MAP3K13: variants seen among roughly 807,000 people sequenced by gnomAD.
The protein encoded by MAP3K13 is leucine zipper-bearing kinase.
MAP3K13 carries 52 observed loss-of-function variants against 104.0 expected under a neutral mutation model. The ratio of observed to expected loss-of-function variants is 0.50; its 90% CI spans 0.40 to 0.63. The LOEUF (loss-of-function observed/expected upper bound fraction) is 0.63, where lower values mean the gene tolerates loss of function less well. Ranked by LOEUF, MAP3K13 falls within the 20% of genes least tolerant of loss-of-function variation. MAP3K13 has a pLI of 0.00. For synonymous variants in MAP3K13, 394 were observed against 442.2 expected, an observed-to-expected ratio of 0.89 and a Z score of 1.37; for missense variants, 914 against 1,218.5, an observed-to-expected ratio of 0.75 and a Z score of 3.72.
Position 185,443,719 on chromosome 3 carries a change from C to G in MAP3K13, c.851+83C>G, listed in dbSNP as rs545060902. The stretch of plus-strand genomic sequence containing the variant: ...TTTTATCAACCTCAGTTGACGTTTT[C>G]AGACATCATACCTTTAGTTCAGTTT... On this transcript the variant is annotated intron_variant, in intron 4 of 13. Transcript: ENST00000265026. 66 of 1,140,776 alleles carry G rather than the reference C, an allele frequency of 5.8e-5. No homozygotes were observed. The African/African-American group carries it at 9.3e-4, about 16-fold the overall frequency. 70.7% of individuals were successfully genotyped at this position (1,140,776 alleles called of 1,614,324 possible).
chr3:185,455,645 AGATATATATAT>A (rs1560120147), intron 7 of MAP3K13, among the ~76,000 whole-genome samples: 4 of 24,430 alleles, frequency 1.6e-4, no homozygotes, highest in Non-Finnish European at 2.5e-4. Context: ...GATATATATG[AGATATATATAT>A]GATATATATA....
intron 1 of MAP3K13, among the ~76,000 whole-genome samples, chr3:185,425,260 T>G (rs1300553445): frequency 6.6e-6 from 1 of 152,210 alleles, no homozygotes; most frequent in Non-Finnish European, 1.5e-5. Context: ...GGCCTTAAAT[T>G]CTGTATGTCC....
Position 185,473,907 on chromosome 3 carries a change from T to C in MAP3K13, c.2430+146T>C, listed in dbSNP as rs2148924004. The C allele has an allele frequency of 1.0e-6, 1 of 972,960 alleles. No homozygotes were observed. The highest frequency in any genetic ancestry group is 2.6e-5 in the East Asian group (1 of 38,026). The allele number at this position is 972,960 out of a possible 1,614,324, so 60.3% of individuals were successfully genotyped here. A position where few individuals can be genotyped will look rare whatever the true frequency, so the allele number is the denominator to read the frequency against. ...CAGAAACATAAATAGAAATTTATTT[T>C]ACTTTAAATTCGTTCTTTCCACACT... is the stretch of plus-strand genomic sequence containing the variant. On this transcript the variant is annotated intron_variant, in intron 11 of 13. Transcript: ENST00000265026. This position sits in a 1 kb window ranked among gnomAD's most constrained non-coding sequence, Gnocchi z 4.9.
At chr3:185,474,708 C>A (rs1007490975) in intron 11 of MAP3K13, among the ~76,000 whole-genome samples, 2 of 152,164 alleles carry the variant, frequency 1.3e-5, no homozygotes, top group South Asian at 4.1e-4. Context: ...TTCTCTCCTC[C>A]TTATCCACTG....
At chr3:185,422,804 C>T (rs1353366123) in intron 1 of MAP3K13, among the ~76,000 whole-genome samples, 1 of 152,172 alleles carries the variant, frequency 6.6e-6, no homozygotes, top group African/African-American at 2.4e-5. Flanking sequence ...GGTCTGGTAC[C>T]AGTCTGTGGC....
chr3:185,448,059 CT>C (rs762022891), intron 5 of MAP3K13, 112 bp downstream of exon 5: 58 of 1,220,446 alleles, frequency 4.8e-5, no homozygotes, highest in Admixed American at 1.4e-4. Flanking sequence ...GTGTTGCTCA[CT>C]TTTGGTTGAT....
At chr3:185,481,489 G>GAA (rs11449637) in intron 13 of MAP3K13, among the ~76,000 whole-genome samples, 32 of 149,004 alleles carry the variant, frequency 2.1e-4, no homozygotes, top group Middle Eastern at 3.4e-3. Flanking sequence ...CCCTGTCTCT[G>GAA]AAAAAAAAAA....
chr3:185,359,107 A>C (rs1723495505), upstream of MAP3K13, among the ~76,000 whole-genome samples: 1 of 152,222 alleles, frequency 6.6e-6, no homozygotes, highest in South Asian at 2.1e-4. Context: ...AAAGAGGTTT[A>C]ATTGGACTTA....
intron 10 of MAP3K13, among the ~76,000 whole-genome samples, chr3:185,468,635 A>T (rs1372606297): frequency 6.6e-6 from 1 of 152,192 alleles, no homozygotes; most frequent in Non-Finnish European, 1.5e-5. Context: ...ATGTATTATG[A>T]CTCTATCAGA....
At chr3:185,330,046 A>ATTTTTTTTTT (rs548813356) in intron 2 of MAP3K13, among the ~76,000 whole-genome samples, 5 of 98,276 alleles carry the variant, frequency 5.1e-5, no homozygotes, top group East Asian at 3.1e-4. Flanking sequence ...TGCCTGGCTA[A>ATTTTTTTTTT]TTTTTTTTTT....
chr3:185,302,871 G>T (rs901899989), intron 2 of MAP3K13, among the ~76,000 whole-genome samples: 15 of 152,088 alleles, frequency 9.9e-5, no homozygotes, highest in Non-Finnish European at 8.8e-5. Flanking sequence ...CCAATACTAT[G>T]TTGAGTAGAA....
At chr3:185,436,982 C>T (rs1715064546) in intron 2 of MAP3K13, among the ~76,000 whole-genome samples, 1 of 100,988 alleles carries the variant, frequency 9.9e-6, no homozygotes, top group South Asian at 3.7e-4. Flanking sequence ...GCCTGGGTGA[C>T]AGAGCAAGAC....
intron 2 of MAP3K13, among the ~76,000 whole-genome samples, chr3:185,436,033 T>C (rs1217153531): frequency 6.6e-6 from 1 of 152,166 alleles, no homozygotes; most frequent in Non-Finnish European, 1.5e-5. Context: ...AGCTCTTTGA[T>C]ATTTGTTTCT....
chr3:185,314,563 C>T (rs1232995326), intron 2 of MAP3K13, among the ~76,000 whole-genome samples: 6 of 151,532 alleles, frequency 4.0e-5, no homozygotes, highest in South Asian at 2.1e-4. Context: ...TTGCAGTGAG[C>T]CGAGATCACA....
chr3:185,405,463 T>A (rs1197579039), intron 1 of MAP3K13, among the ~76,000 whole-genome samples: 1 of 152,242 alleles, frequency 6.6e-6, no homozygotes, highest in Non-Finnish European at 1.5e-5. Context: ...TGATCACTGT[T>A]CTGTATGCAC....
chr3:185,466,391 T>TTG, intron 9 of MAP3K13, among the ~76,000 whole-genome samples: 1 of 147,450 alleles, frequency 6.8e-6, no homozygotes, highest in Admixed American at 6.8e-5. Context: ...TTTTTTTTTT[T>TTG]TGTGAGATGG....
At chr3:185,405,569 A>G (rs979630852) in intron 1 of MAP3K13, among the ~76,000 whole-genome samples, 4 of 152,184 alleles carry the variant, frequency 2.6e-5, no homozygotes, top group African/African-American at 9.7e-5. Context: ...TCTTTTGGCC[A>G]GAATATATGT....
intron 3 of MAP3K13, among the ~76,000 whole-genome samples, chr3:185,441,679 G>T (rs1715327888): frequency 6.6e-6 from 1 of 152,008 alleles, no homozygotes; most frequent in Admixed American, 6.6e-5. Context: ...AAGACGGGTG[G>T]ATCACTTGAG....
chr3:185,287,713 T>A (rs1450613594), intron 2 of MAP3K13, among the ~76,000 whole-genome samples: 1 of 152,150 alleles, frequency 6.6e-6, no homozygotes, highest in East Asian at 1.9e-4. Context: ...AAATTAATAA[T>A]GAAGGCTGCT....
Sources: gnomAD v4.1 joint callset for allele counts (sites outside exome capture counted in the v4.1 genomes callset) on GRCh38, gnomAD v4.1.1 for gene constraint, Gnocchi (gnomAD v3.1) non-coding constraint, MANE v1.5 for transcripts, NCBI Gene and HGNC (gene_info 2026-07-23, HGNC 2026-07-21) for gene names.